Variants in ANKRD6 observed in about 807,000 individuals in gnomAD.
ANKRD6 encodes the protein ankyrin repeat domain-containing protein 6.
ANKRD6 carries 56 observed loss-of-function variants against 82.3 expected under a neutral mutation model. The ratio of observed to expected loss-of-function variants is 0.68; its 90% CI spans 0.55 to 0.85. The LOEUF is 0.85. ANKRD6 is among the 40% of genes least tolerant of loss of function. ANKRD6 has a pLI of 0.00. For missense variants in ANKRD6, 852 were observed against 907.6 expected (o/e 0.94, Z 0.79); for synonymous variants, 347 against 352.1 (o/e 0.99, Z 0.16).
intron 1 of ANKRD6, among the ~76,000 whole-genome samples, chr6:89,492,859 A>G (rs149316483): frequency 2.3e-3 from 357 of 152,284 alleles, no homozygotes; most frequent in Middle Eastern, 6.8e-3. Context: ...TAAATTTTAT[A>G]TCTACCAGTT....
chr6:89,596,940 C>T (rs367621244), intron 3 of ANKRD6, among the ~76,000 whole-genome samples: 4 of 152,218 alleles, frequency 2.6e-5, no homozygotes, highest in Admixed American at 6.5e-5. Flanking sequence ...GCACTTATAA[C>T]CTCTTCCAAA....
At chr6:89,479,735 T>C (rs1257447158) in intron 1 of ANKRD6, among the ~76,000 whole-genome samples, 2 of 151,868 alleles carry the variant, frequency 1.3e-5, no homozygotes, top group Non-Finnish European at 2.9e-5. Context: ...ACTCATCATT[T>C]AACATTAGGT....
intron 1 of ANKRD6, among the ~76,000 whole-genome samples, chr6:89,475,649 A>G (rs1376560598): frequency 6.6e-6 from 1 of 152,220 alleles, no homozygotes; most frequent in Admixed American, 6.5e-5. Flanking sequence ...TCCCTCTCAC[A>G]GCCCCCAGCC....
chr6:89,555,063 C>G (rs546017312), intron 1 of ANKRD6, among the ~76,000 whole-genome samples: 15 of 117,150 alleles, frequency 1.3e-4, no homozygotes, highest in African/African-American at 3.8e-4. Context: ...CTCCTCCCCC[C>G]CTTCTCTTCT....
chr6:89,449,767 T>C (rs1189366866), intron 1 of ANKRD6, among the ~76,000 whole-genome samples: 1 of 152,202 alleles, frequency 6.6e-6, no homozygotes, highest in African/African-American at 2.4e-5. Flanking sequence ...TTCAGTTGCA[T>C]ATGTGGCTTG....
At chr6:89,527,205 T>G (rs1782595843) in intron 1 of ANKRD6, among the ~76,000 whole-genome samples, 1 of 152,192 alleles carries the variant, frequency 6.6e-6, no homozygotes. Flanking sequence ...ATTTTTGGTT[T>G]CCCAGTGTAT....
chr6:89,575,642 T>C (rs1028301899), intron 2 of ANKRD6, among the ~76,000 whole-genome samples: 3 of 152,206 alleles, frequency 2.0e-5, no homozygotes, highest in African/African-American at 7.2e-5. Flanking sequence ...ATTGTACTTG[T>C]ATAAAACATT....
chr6:89,451,834 C>T (rs1229131325), intron 1 of ANKRD6, among the ~76,000 whole-genome samples: 2 of 152,110 alleles, frequency 1.3e-5, no homozygotes, highest in South Asian at 4.1e-4. Context: ...TATTATAACC[C>T]CCTCTGCTAC....
intron 1 of ANKRD6, among the ~76,000 whole-genome samples, chr6:89,528,213 T>G (rs1204646403): frequency 6.6e-6 from 1 of 152,260 alleles, no homozygotes; most frequent in East Asian, 1.9e-4. Context: ...GATAGCACTT[T>G]ACTCACAGTA....
intron 2 of ANKRD6, among the ~76,000 whole-genome samples, chr6:89,592,902 C>T (rs1044760331): frequency 6.6e-6 from 1 of 152,090 alleles, no homozygotes; most frequent in Non-Finnish European, 1.5e-5. Context: ...TGGTGAAACC[C>T]GTCTCTACTA....
chr6:89,507,579 G>A (rs1266932964), intron 1 of ANKRD6, among the ~76,000 whole-genome samples: 1 of 152,168 alleles, frequency 6.6e-6, no homozygotes, highest in Non-Finnish European at 1.5e-5. Context: ...ACAGAGCACG[G>A]GGTAGGACAA....
intron 1 of ANKRD6, among the ~76,000 whole-genome samples, chr6:89,502,981 C>T (rs1779430404): frequency 6.6e-6 from 1 of 152,170 alleles, no homozygotes; most frequent in Admixed American, 6.5e-5. Flanking sequence ...CTCCACCACA[C>T]CCTCTGCACC....
rs748568665 is a variant in ANKRD6, at chr6:89,622,060, A to G, written c.897+34A>G. On this transcript the variant is annotated intron_variant, in intron 10 of 15. Transcript: ENST00000339746. ...CAGTCCTCCCGCCGTCCCCACATCC[A>G]CCCATGCTCAGAGGGTGGGAAACTA... The G allele has an allele frequency of 5.0e-5, 79 of 1,594,142 alleles. No homozygotes were observed. The Admixed American group carries it at 5.2e-4, about 11-fold the overall frequency.
intron 1 of ANKRD6, among the ~76,000 whole-genome samples, chr6:89,544,989 A>G (rs947484452): frequency 6.6e-6 from 1 of 151,934 alleles, no homozygotes. Context: ...GGAGGCGGGC[A>G]GATCACGAGA....
chr6:89,504,401 T>G (rs1246167770), intron 1 of ANKRD6, among the ~76,000 whole-genome samples: 2 of 137,668 alleles, frequency 1.5e-5, no homozygotes, highest in Non-Finnish European at 3.3e-5. Context: ...TCTCTCGCTC[T>G]CGCTCGCGCT....
At chr6:89,456,621 A>G (rs954018038) in intron 1 of ANKRD6, among the ~76,000 whole-genome samples, 3 of 152,196 alleles carry the variant, frequency 2.0e-5, no homozygotes, top group Admixed American at 2.0e-4. Flanking sequence ...AGGTATTGGG[A>G]GAGCTTTAAT....
At chr6:89,587,688 AT>A (rs558329292) in intron 2 of ANKRD6, among the ~76,000 whole-genome samples, 22 of 152,078 alleles carry the variant, frequency 1.4e-4, no homozygotes, top group Non-Finnish European at 2.5e-4. Context: ...CCCCCATTAC[AT>A]TTTATCTTTT....
At position 89,595,922 on chromosome 6, in the gene ANKRD6, C is replaced by A. The variant is rs143132909; in HGVS notation, c.127C>A (p.Arg43=). 4 of 1,606,906 alleles carry A rather than the reference C, an allele frequency of 2.5e-6. No individual in the cohort carries two copies. The highest frequency in any genetic ancestry group is 3.4e-6 in the Non-Finnish European group (4 of 1,176,770). Residue 43 remains arginine (R), a synonymous_variant, in exon 3 of 16, where the codon CGG becomes AGG. Transcript: ENST00000339746. ...GTTCATTTTGCATTCACAGCATGGC[C>A]GGACTCCCCTGCATCTTGCTGCCAA... ...GARVAVTKHG[R]TPLHLAANKG...
chr6:89,491,687 A>G (rs543013854), intron 1 of ANKRD6, among the ~76,000 whole-genome samples: 1 of 152,256 alleles, frequency 6.6e-6, no homozygotes, highest in African/African-American at 2.4e-5. Flanking sequence ...TACCTAATGT[A>G]AATGATGAGT....
Sources: gnomAD v4.1 joint callset for allele counts (sites outside exome capture counted in the v4.1 genomes callset) on GRCh38, gnomAD v4.1.1 for gene constraint, MANE v1.5 for transcripts, NCBI Gene and HGNC (gene_info 2026-07-23, HGNC 2026-07-21) for gene names.